Variants in ORC5 observed in about 807,000 individuals in gnomAD.
The protein encoded by ORC5 is origin recognition complex subunit 5.
A neutral mutation model predicts 58.8 loss-of-function variants in ORC5; 39 were observed. The ratio of observed to expected loss-of-function variants is 0.66; its 90% CI spans 0.51 to 0.87. ORC5 has a LOEUF of 0.87. ORC5 is among the 40% of genes least tolerant of loss of function. The probability of loss-of-function intolerance (pLI) is 0.00; values close to 1 mark genes in which losing one functional copy is unlikely to be tolerated. For synonymous variants in ORC5, 218 were observed against 177.6 expected (o/e 1.23, Z -1.81); for missense variants, 493 against 506.3 (o/e 0.97, Z 0.25).
chr7:104,163,752 A>G (rs1799062021), intron 11 of ORC5, among the ~76,000 whole-genome samples: 2 of 152,110 alleles, frequency 1.3e-5, no homozygotes, highest in Non-Finnish European at 2.9e-5. Flanking sequence ...CGGCCTCCCA[A>G]AGTGCTGGGA....
intron 13 of ORC5, among the ~76,000 whole-genome samples, chr7:104,131,812 A>G (rs1341208023): frequency 4.6e-5 from 7 of 151,696 alleles, no homozygotes; most frequent in African/African-American, 1.7e-4. Context: ...AGATCGTGCC[A>G]CTGCACTCCA....
At chr7:104,137,264 G>A (rs1798604812) in intron 12 of ORC5, among the ~76,000 whole-genome samples, 1 of 77,062 alleles carries the variant, frequency 1.3e-5, no homozygotes, top group African/African-American at 4.4e-5. Flanking sequence ...TTTTAAATGT[G>A]CCTACAAAAA....
intron 4 of ORC5, among the ~76,000 whole-genome samples, chr7:104,197,148 AT>A (rs1033496093): frequency 4.6e-5 from 7 of 152,060 alleles, no homozygotes; most frequent in Non-Finnish European, 8.8e-5. Flanking sequence ...AATGAAACCA[AT>A]TTTTTTTCCT....
rs1006257830 is a variant in ORC5 at position 104,133,815 on chromosome 7, G to A, written c.1262+2966C>T. The stretch of plus-strand genomic sequence containing the variant: ...GAATAAAGAGGAAAACCAGAATACT[G>A]TGGAATCATGTCTAAGAGAAGAGAG... On this transcript the variant is annotated intron_variant, in intron 13 of 13. Transcript: ENST00000297431. The surrounding 1 kb of genome is among the most constrained non-coding windows in gnomAD (Gnocchi z 4.7). 2.0e-5 allele frequency among the ~76,000 whole-genome samples: 3 copies of A among 152,146 alleles called. No individual in the cohort carries two copies. Among genetic ancestry groups the A allele is most frequent in the African/African-American group, 7.2e-5 (3 of 41,402 alleles).
chr7:104,148,526 A>G (rs1444097131), intron 12 of ORC5, among the ~76,000 whole-genome samples: 1 of 152,232 alleles, frequency 6.6e-6, no homozygotes, highest in Non-Finnish European at 1.5e-5. Flanking sequence ...ATCTCAATAC[A>G]GTACAGGCAA....
intron 11 of ORC5, among the ~76,000 whole-genome samples, chr7:104,163,423 T>C (rs570054515): frequency 5.4e-4 from 83 of 152,336 alleles, no homozygotes; most frequent in African/African-American, 1.9e-3. Flanking sequence ...CAATTCACAG[T>C]TATGTTGTAA....
chr7:104,202,633 T>A, intron 2 of ORC5: 1 of 398,968 alleles, frequency 2.5e-6, no homozygotes, highest in Non-Finnish European at 5.0e-6. Context: ...AATACAGTCC[T>A]TAAATATGAA....
At chr7:104,200,506 C>A (rs1052396520) in intron 3 of ORC5, among the ~76,000 whole-genome samples, 1 of 152,204 alleles carries the variant, frequency 6.6e-6, no homozygotes, top group Non-Finnish European at 1.5e-5. Context: ...ATTGGACACA[C>A]ACAGTCAATA....
chr7:104,199,940 C>T (rs149748927), intron 3 of ORC5, among the ~76,000 whole-genome samples: 1 of 152,218 alleles, frequency 6.6e-6, no homozygotes, highest in African/African-American at 2.4e-5. Context: ...GGGTGGTTCC[C>T]CCATGCTGTT....
intron 9 of ORC5, 71 bp from the exon 10 acceptor site, chr7:104,166,955 G>T: frequency 3.6e-6 from 3 of 830,780 alleles, no homozygotes; most frequent in South Asian, 1.6e-5. Context: ...CTTCTCACTT[G>T]ACTTTTCATT....
rs928448759 is a variant in ORC5, at chr7:104,133,234, A to C, written c.1262+3547T>G. On this transcript the variant is annotated intron_variant, in intron 13 of 13. Transcript: ENST00000297431. The surrounding 1 kb of genome is among the most constrained non-coding windows in gnomAD (Gnocchi z 4.7). ...ATGGATAATAAATTATAAGAGGATA[A>C]GAGCAGACAGAAGATCAATTAGACT... Among the ~76,000 whole-genome samples the C allele has an allele frequency of 3.9e-5, 6 of 152,196 alleles. No homozygotes were observed. The South Asian group carries it at 1.2e-3, about 31-fold the overall frequency.
chr7:104,165,435 G>A, intron 10 of ORC5, 153 bp from the exon 11 acceptor site: 1 of 506,572 alleles, frequency 2.0e-6, no homozygotes, highest in Non-Finnish European at 3.5e-6. Context: ...ATATATATTA[G>A]ACTTCAACAT....
At chr7:104,204,823 T>C (rs1800034408) in intron 1 of ORC5, among the ~76,000 whole-genome samples, 1 of 152,198 alleles carries the variant, frequency 6.6e-6, no homozygotes, top group South Asian at 2.1e-4. Flanking sequence ...AAAATACATA[T>C]GTGCAAGATC....
At chr7:104,147,039 C>T (rs566898952) in intron 12 of ORC5, among the ~76,000 whole-genome samples, 1 of 152,202 alleles carries the variant, frequency 6.6e-6, no homozygotes, top group East Asian at 1.9e-4. Context: ...ATATAGAGGG[C>T]TTTGAGAAAT....
At chr7:104,192,811 G>A (rs1380196290) in intron 5 of ORC5, among the ~76,000 whole-genome samples, 1 of 150,230 alleles carries the variant, frequency 6.7e-6, no homozygotes, top group African/African-American at 2.5e-5. Flanking sequence ...AGCATAATGA[G>A]ATCAGTAATG....
At chr7:104,166,398 A>G (rs972487279) in intron 10 of ORC5, among the ~76,000 whole-genome samples, 2 of 152,256 alleles carry the variant, frequency 1.3e-5, no homozygotes, top group South Asian at 4.1e-4. Flanking sequence ...GGATTTCTCC[A>G]ACTAATGTAT....
At chr7:104,132,666 G>A (rs893425958) in intron 13 of ORC5, among the ~76,000 whole-genome samples, 2 of 152,186 alleles carry the variant, frequency 1.3e-5, no homozygotes, top group African/African-American at 2.4e-5. Context: ...AAAGCACTGT[G>A]CTAGGTTTGA....
Position 104,207,858 on chromosome 7 carries a change from G to A in ORC5, c.47C>T (p.Ser16Phe). The A allele has an allele frequency of 1.9e-6, 3 of 1,614,152 alleles. No homozygotes were observed. The highest frequency in any genetic ancestry group is 1.3e-5 in the African/African-American group (1 of 75,046). ...NVVLCRESQV[S>F]ILQSLFGERH... ...CTCTCCAAACAAGGACTGCAAGATG[G>A]ACACTTGAGACTCGCGACAAAGCAC... The change falls in exon 1 of 14, where the codon TCC becomes TTC. Residue 16 changes from serine (S) to phenylalanine (F), a missense_variant. By Grantham distance (155) the Ser-to-Phe change is radical. Transcript: ENST00000297431.
At chr7:104,135,213 A>T (rs766627498) in intron 13 of ORC5, among the ~76,000 whole-genome samples, 7 of 152,202 alleles carry the variant, frequency 4.6e-5, no homozygotes, top group Admixed American at 1.3e-4. Flanking sequence ...AACAGGCTTC[A>T]CTCCAAATTT....
Sources: allele counts gnomAD v4.1 joint callset (sites outside exome capture counted in the v4.1 genomes callset), GRCh38; gene constraint gnomAD v4.1.1; non-coding constraint Gnocchi (gnomAD v3.1); transcripts MANE v1.5; gene names NCBI Gene and HGNC (gene_info 2026-07-23, HGNC 2026-07-21).